CCSER1: variants seen among roughly 807,000 people sequenced by gnomAD.
The protein encoded by CCSER1 is serine-rich coiled-coil domain-containing protein 1.
Under a neutral mutation model 82.0 loss-of-function variants are expected in CCSER1, and 41 were observed. The observed-to-expected ratio is 0.50, with a 90% CI of 0.39 to 0.65. The LOEUF is 0.65. Among genes scored for constraint, CCSER1 ranks in the 30% least tolerant of loss-of-function variants. CCSER1 has a pLI of 0.00. For synonymous variants in CCSER1, 414 were observed against 383.9 expected (o/e 1.08, Z -0.92); for missense variants, 1,119 against 1,064.2 (o/e 1.05, Z -0.72).
intron 10 of CCSER1, among the ~76,000 whole-genome samples, chr4:91,213,863 T>C (rs1415644137): frequency 6.6e-6 from 1 of 152,148 alleles, no homozygotes; most frequent in Non-Finnish European, 1.5e-5. Flanking sequence ...CACGACATTG[T>C]TGTGGATTCT....
At chr4:91,480,957 TGAGA>T (rs955642305) in intron 10 of CCSER1, among the ~76,000 whole-genome samples, 2 of 152,072 alleles carry the variant, frequency 1.3e-5, no homozygotes, top group Non-Finnish European at 2.9e-5. Flanking sequence ...TATGTGTGAG[TGAGA>T]GAGAGGAAGA....
At chr4:91,145,782 A>C (rs1729474913) in intron 10 of CCSER1, among the ~76,000 whole-genome samples, 1 of 152,062 alleles carries the variant, frequency 6.6e-6, no homozygotes, top group South Asian at 2.1e-4. Context: ...ATGGACTCCT[A>C]ATCTCTTCTG....
At chr4:90,815,926 A>T (rs1394821084) in intron 8 of CCSER1, 81 bp downstream of exon 8, 10 of 825,722 alleles carry the variant, frequency 1.2e-5, no homozygotes, top group Non-Finnish European at 1.9e-5. Flanking sequence ...ATTAACACCA[A>T]TGGCATTAGT....
intron 10 of CCSER1, among the ~76,000 whole-genome samples, chr4:91,191,344 T>C (rs1443856187): frequency 1.3e-5 from 2 of 152,194 alleles, no homozygotes; most frequent in Non-Finnish European, 1.5e-5. Flanking sequence ...AAAGAAATTG[T>C]TGATTTCTGC....
intron 1 of CCSER1, among the ~76,000 whole-genome samples, chr4:90,307,771 G>A (rs1734578394): frequency 6.6e-6 from 1 of 152,138 alleles, no homozygotes; most frequent in Non-Finnish European, 1.5e-5. Flanking sequence ...TCAGTAACTT[G>A]TTGAGTCGTG....
chr4:90,759,255 G>T (rs943230119), intron 7 of CCSER1, among the ~76,000 whole-genome samples: 2 of 152,156 alleles, frequency 1.3e-5, no homozygotes, highest in African/African-American at 4.8e-5. Context: ...CTAATAGACT[G>T]TAATTAATCT....
chr4:90,449,241 G>T (rs1297262618), intron 4 of CCSER1, among the ~76,000 whole-genome samples: 1 of 152,194 alleles, frequency 6.6e-6, no homozygotes, highest in Non-Finnish European at 1.5e-5. Context: ...CTGCAGGCAG[G>T]CTGTCCCAAC....
intron 5 of CCSER1, among the ~76,000 whole-genome samples, chr4:90,503,147 A>T (rs977140983): frequency 6.6e-6 from 1 of 152,206 alleles, no homozygotes; most frequent in African/African-American, 2.4e-5. Flanking sequence ...ATCATTATGA[A>T]AGAGCAAATC....
At chr4:90,369,852 C>T (rs902625690) in intron 3 of CCSER1, among the ~76,000 whole-genome samples, 5 of 152,006 alleles carry the variant, frequency 3.3e-5, no homozygotes, top group African/African-American at 1.2e-4. Context: ...ATTTTCTTAG[C>T]AGCACTTTTA....
chr4:90,349,261 A>G (rs535723036), intron 3 of CCSER1, among the ~76,000 whole-genome samples: 21 of 152,308 alleles, frequency 1.4e-4, no homozygotes, highest in African/African-American at 3.6e-4. Flanking sequence ...TTCAACAGAT[A>G]TATTTACAAA....
intron 8 of CCSER1, among the ~76,000 whole-genome samples, chr4:90,845,496 T>C (rs1232420539): frequency 6.6e-6 from 1 of 152,176 alleles, no homozygotes; most frequent in East Asian, 1.9e-4. Context: ...AATCATTTTT[T>C]TCATTTAAAA....
chr4:90,971,786 T>C (rs62309783), intron 9 of CCSER1, among the ~76,000 whole-genome samples: 38,998 of 151,678 alleles, frequency 0.26, 5,587 homozygotes, highest in Non-Finnish European at 0.32. Flanking sequence ...ATACAGTACA[T>C]GAAAGGATTA....
intron 10 of CCSER1, among the ~76,000 whole-genome samples, chr4:91,212,199 T>TC (rs1175913176): frequency 2.0e-5 from 3 of 151,970 alleles, no homozygotes; most frequent in African/African-American, 7.2e-5. Flanking sequence ...TTCAATGCCT[T>TC]CCTTCCTAAT....
At chr4:90,245,292 G>A (rs934588515) in intron 1 of CCSER1, among the ~76,000 whole-genome samples, 1 of 151,904 alleles carries the variant, frequency 6.6e-6, no homozygotes, top group African/African-American at 2.4e-5. Flanking sequence ...TATGTTTTTA[G>A]GCTAAATATG....
intron 10 of CCSER1, among the ~76,000 whole-genome samples, chr4:91,572,854 C>A (rs1763256061): frequency 6.6e-6 from 1 of 151,314 alleles, no homozygotes; most frequent in South Asian, 2.1e-4. Context: ...CTTGGTAGAG[C>A]AGCTGTGCTG....
rs112688499 is a variant in CCSER1, at chr4:91,121,479, G to A, written c.2217+35485G>A. Among the ~76,000 whole-genome samples, 13 of 151,640 alleles carry A rather than the reference G, an allele frequency of 8.6e-5. 1 individual carries two copies. In the South Asian group the frequency reaches 1.9e-3, roughly 22 times the overall value. On this transcript the variant is annotated intron_variant, in intron 10 of 10. Transcript: ENST00000509176. ...TTCTTTATAGTAGAAGTGTATGGCC[G>A]TTAATTAGTGATATCATTGTAAAGA...
chr4:90,321,178 A>G (rs1259559998), intron 3 of CCSER1, among the ~76,000 whole-genome samples: 2 of 152,024 alleles, frequency 1.3e-5, no homozygotes, highest in Non-Finnish European at 2.9e-5. Flanking sequence ...CTACATAACT[A>G]TATTTTTGCA....
In CCSER1 at chr4:91,598,956, A is replaced by T; in HGVS notation, c.2602A>T (p.Arg868Ter). 2 of 1,551,558 alleles carry T rather than the reference A, an allele frequency of 1.3e-6. No homozygotes were observed. Among genetic ancestry groups the T allele is most frequent in the Non-Finnish European group, 1.7e-6 (2 of 1,146,916 alleles). Reference sequence around the variant, plus strand: ...TACAGGCAGGTTTGGACAGCCACCCAGAGGGCCAATCTCTTTACACATGTA... The same window carrying T: ...TACAGGCAGGTTTGGACAGCCACCCTGAGGGCCAATCTCTTTACACATGTA... Reference protein sequence around the residue: ...TFTGRFGQPPRGPISLHMYSR... With the variant: ...TFTGRFGQPP The change falls in exon 11 of 11, where the codon AGA (arginine) becomes TGA (stop). Residue 868 changes from arginine to a stop codon, truncating the protein, a stop_gained. Coordinates refer to ENST00000509176, the MANE Select transcript of CCSER1 (RefSeq NM_001145065.2). LOFTEE classifies it high-confidence loss of function.
chr4:90,576,551 A>G (rs1001446150), intron 5 of CCSER1, among the ~76,000 whole-genome samples: 1 of 152,040 alleles, frequency 6.6e-6, no homozygotes, highest in African/African-American at 2.4e-5. Context: ...CCCCCTAACA[A>G]CCACTGATGC....
Sources: allele counts gnomAD v4.1 joint callset (sites outside exome capture counted in the v4.1 genomes callset), GRCh38; gene constraint gnomAD v4.1.1; transcripts MANE v1.5; gene names NCBI Gene and HGNC (gene_info 2026-07-23, HGNC 2026-07-21).